EYS: variants seen among roughly 807,000 people sequenced by gnomAD.
EYS encodes the protein EGF-like photoreceptor maintenance factor.
A neutral mutation model predicts 282.1 loss-of-function variants in EYS; 250 were observed. The ratio of observed to expected loss-of-function variants is 0.89; its 90% CI spans 0.80 to 0.98. EYS has a LOEUF of 0.98. Among genes scored for constraint, EYS ranks in the 50% least tolerant of loss-of-function variants. The probability of loss-of-function intolerance (pLI) is 0.00; values close to 1 mark genes in which losing one functional copy is unlikely to be tolerated. For synonymous variants in EYS, 1,355 were observed against 1,282.9 expected, an observed-to-expected ratio of 1.06 and a Z score of -1.20; for missense variants, 4,016 against 3,709.0, an observed-to-expected ratio of 1.08 and a Z score of -2.15.
At chr6:64,200,009 T>A (rs771359425) in intron 31 of EYS, among the ~76,000 whole-genome samples, 8 of 152,058 alleles carry the variant, frequency 5.3e-5, no homozygotes, top group Non-Finnish European at 5.9e-5. Context: ...AAATAAATGA[T>A]CTACCCAGCC....
At chr6:64,422,184 C>CT (rs201157254) in intron 28 of EYS, among the ~76,000 whole-genome samples, 227 of 151,442 alleles carry the variant, frequency 1.5e-3, no homozygotes, top group Admixed American at 2.4e-3. Flanking sequence ...GACAGATAGA[C>CT]TTTTTTTTTC....
chr6:65,286,991 T>C (rs1304281257), intron 12 of EYS, among the ~76,000 whole-genome samples: 1 of 151,414 alleles, frequency 6.6e-6, no homozygotes, highest in Non-Finnish European at 1.5e-5. Flanking sequence ...TATAAAAGTC[T>C]TGGGCTCAGT....
intron 29 of EYS, among the ~76,000 whole-genome samples, chr6:64,372,905 T>C (rs1359306721): frequency 6.6e-6 from 1 of 152,228 alleles, no homozygotes; most frequent in Non-Finnish European, 1.5e-5. Context: ...TGTGTTTTTC[T>C]TCTCCATAAA....
intron 5 of EYS, among the ~76,000 whole-genome samples, chr6:65,405,864 C>CTCATGAA (rs1461130881): frequency 6.6e-6 from 1 of 151,926 alleles, no homozygotes; most frequent in Non-Finnish European, 1.5e-5. Context: ...GTTTTTGGTT[C>CTCATGAA]TCATGAATCA....
At chr6:64,209,147 AC>A (rs1299681795) in intron 31 of EYS, among the ~76,000 whole-genome samples, 3 of 152,180 alleles carry the variant, frequency 2.0e-5, no homozygotes, top group African/African-American at 7.2e-5. Context: ...ATCAATTTTC[AC>A]TTTAAAAGCC....
At chr6:65,204,964 AT>A (rs1765994674) in intron 12 of EYS, among the ~76,000 whole-genome samples, 1 of 119,114 alleles carries the variant, frequency 8.4e-6, no homozygotes. Context: ...AGAAGAATAT[AT>A]TTATATATTC....
intron 2 of EYS, among the ~76,000 whole-genome samples, chr6:65,609,261 C>A (rs1410967286): frequency 1.3e-5 from 2 of 151,382 alleles, no homozygotes; most frequent in Non-Finnish European, 2.9e-5. Context: ...TCTTATAGGA[C>A]CACCTTAGTA....
At chr6:64,843,887 T>G (rs1562221610) in intron 19 of EYS, among the ~76,000 whole-genome samples, 1 of 152,122 alleles carries the variant, frequency 6.6e-6, no homozygotes, top group African/African-American at 2.4e-5. Context: ...TGAATTCCCA[T>G]AATTCCACGT....
intron 12 of EYS, among the ~76,000 whole-genome samples, chr6:65,133,903 A>G (rs1775951619): frequency 6.8e-6 from 1 of 148,010 alleles, no homozygotes; most frequent in South Asian, 2.1e-4. Flanking sequence ...ATCTATAAGG[A>G]ACTTAAACAA....
intron 19 of EYS, among the ~76,000 whole-genome samples, chr6:64,849,816 C>A (rs1765826520): frequency 6.6e-6 from 1 of 151,644 alleles, no homozygotes; most frequent in Non-Finnish European, 1.5e-5. Flanking sequence ...TTAATATCAC[C>A]AAAGAAAGAC....
intron 40 of EYS, among the ~76,000 whole-genome samples, chr6:63,770,236 C>A (rs1769896494): frequency 6.6e-6 from 1 of 152,024 alleles, no homozygotes; most frequent in Non-Finnish European, 1.5e-5. Flanking sequence ...AGATGAGAAG[C>A]TAATACAGAA....
chr6:64,461,755 T>C (rs943417787), intron 26 of EYS, among the ~76,000 whole-genome samples: 1 of 152,168 alleles, frequency 6.6e-6, no homozygotes, highest in Non-Finnish European at 1.5e-5. Flanking sequence ...CATTACTTTA[T>C]AGTTGTGTAA....
chr6:65,082,852 A>G (rs867024307), intron 12 of EYS, among the ~76,000 whole-genome samples: 1 of 151,970 alleles, frequency 6.6e-6, no homozygotes, highest in Non-Finnish European at 1.5e-5. Flanking sequence ...TAAATAACTA[A>G]TTACAGAAAC....
rs558492829 is a variant in EYS at position 65,691,949 on chromosome 6, G to C, written c.-448+15186C>G. On this transcript the variant is annotated intron_variant, in intron 1 of 42. Coordinates refer to ENST00000503581, the MANE Select transcript of EYS (RefSeq NM_001142800.2). ...TTCCATTGGTCTATATATCTGTTTT[G>C]GCACCAGTACAAGTTACCTCACTTG... 4.7e-4 allele frequency among the ~76,000 whole-genome samples: 71 copies of C among 150,150 alleles called. 1 individual carries two copies. Among genetic ancestry groups the C allele is most frequent in the African/African-American group, 1.7e-3 (70 of 41,240 alleles).
intron 5 of EYS, among the ~76,000 whole-genome samples, chr6:65,412,496 C>T (rs778785068): frequency 1.4e-4 from 22 of 152,082 alleles, no homozygotes; most frequent in Non-Finnish European, 2.9e-4. Flanking sequence ...ACCAGCATTT[C>T]GTGTTATCAT....
At chr6:65,481,142 A>G (rs76983581) in intron 5 of EYS, among the ~76,000 whole-genome samples, 191 of 152,322 alleles carry the variant, frequency 1.3e-3, no homozygotes, top group Middle Eastern at 6.8e-3. Flanking sequence ...GAAATGATAA[A>G]TGCTTGAAGT....
At chr6:65,244,735 G>C (rs1767138504) in intron 12 of EYS, among the ~76,000 whole-genome samples, 1 of 150,978 alleles carries the variant, frequency 6.6e-6, no homozygotes, top group African/African-American at 2.4e-5. Context: ...TGTTAGCTAG[G>C]ATGGTCTCTA....
chr6:64,897,030 T>C (rs1439641775), intron 18 of EYS, among the ~76,000 whole-genome samples: 1 of 152,176 alleles, frequency 6.6e-6, no homozygotes. Flanking sequence ...TTGGCACAGC[T>C]TGAGCAGACT....
At chr6:64,601,747 A>G (rs566797467) in intron 24 of EYS, among the ~76,000 whole-genome samples, 5 of 152,186 alleles carry the variant, frequency 3.3e-5, no homozygotes, top group African/African-American at 1.2e-4. Flanking sequence ...ATATATGTCA[A>G]TTGCACTTGA....
Sources: gnomAD v4.1 joint callset for allele counts (sites outside exome capture counted in the v4.1 genomes callset) on GRCh38, gnomAD v4.1.1 for gene constraint, MANE v1.5 for transcripts, NCBI Gene and HGNC (gene_info 2026-07-23, HGNC 2026-07-21) for gene names.